The following ESPNL variants were observed in gnomAD, a reference collection of about 807,000 sequenced individuals.
The protein encoded by ESPNL is espin-like protein.
In ESPNL, 49 loss-of-function variants were observed where a neutral mutation model predicts 46.8. The ratio of observed to expected loss-of-function variants is 1.05; its 90% CI spans 0.83 to 1.33. ESPNL has a LOEUF of 1.33. ESPNL is among the 40% of genes most tolerant of loss of function. The pLI is 0.00. For synonymous variants in ESPNL, 664 were observed against 662.1 expected (o/e 1.00, Z -0.04); for missense variants, 1,540 against 1,436.6 (o/e 1.07, Z -1.16).
At position 238,125,380 on chromosome 2, in the gene ESPNL, C is replaced by T; in HGVS notation, c.1098C>T (p.Pro366=). Reference sequence around the variant, plus strand: ...GAGGAGGCCCAGGGCCAGGGAACCCCAGCCGTGAGTGCACAGCCCCAAGTG... The same window carrying T: ...GAGGAGGCCCAGGGCCAGGGAACCCTAGCCGTGAGTGCACAGCCCCAAGTG... ...GRRGGPGPGN[P]SPMSLSPAWP... The change falls in exon 6 of 9, where the codon CCC becomes CCT. Residue 366 remains proline (P), a synonymous_variant. Transcript: ENST00000343063. The T allele has an allele frequency of 6.5e-7, 1 of 1,543,908 alleles. No homozygotes were observed. Among genetic ancestry groups the T allele is most frequent in the Non-Finnish European group, 8.7e-7 (1 of 1,144,270 alleles).
In ESPNL at chr2:238,128,823, G is replaced by T. The variant is rs1387398402; in HGVS notation, c.1332G>T (p.Gln444His). The T allele has an allele frequency of 6.4e-7, 1 of 1,550,970 alleles. No individual in the cohort carries two copies. The highest frequency in any genetic ancestry group is 1.2e-5 in the South Asian group (1 of 84,130). The stretch of plus-strand genomic sequence containing the variant: ...TGCCCACGCGGGATGAGCGCGGCCA[G>T]CCCATCCCAGAGTGGAAGCGGCAGG... ...GLVPTRDERG[Q>H]PIPEWKRQVM... Residue 444 changes from glutamine to histidine, a missense_variant, in exon 8 of 9, where the codon CAG (glutamine) becomes CAT (histidine). Coordinates refer to ENST00000343063, the MANE Select transcript of ESPNL (RefSeq NM_194312.4).
Position 238,114,567 on chromosome 2 carries a change from C to T in ESPNL, c.856-2336C>T, listed in dbSNP as rs1172520083. Among the ~76,000 whole-genome samples, 1 of 152,188 alleles carries T rather than the reference C, an allele frequency of 6.6e-6. No individual in the cohort carries two copies. The highest frequency in any genetic ancestry group is 1.5e-5 in the Non-Finnish European group (1 of 68,034). On this transcript the variant is annotated intron_variant, in intron 4 of 8. Coordinates refer to ENST00000343063, the MANE Select transcript of ESPNL (RefSeq NM_194312.4). The surrounding 1 kb of genome is among the most constrained non-coding windows in gnomAD (Gnocchi z 5.0). ...GGTGTCCTTGCACATCTGACAAATG[C>T]TTCCTGCTTCCTCAGCCACACCAGC...
chr2:238,115,079 G>A (rs4663844), intron 4 of ESPNL, among the ~76,000 whole-genome samples: 24,864 of 152,176 alleles, frequency 0.16, 2,131 homozygotes, highest in East Asian at 0.24. Context: ...TCTTGCGGTG[G>A]TTCTGGCTCT....
intron 4 of ESPNL, among the ~76,000 whole-genome samples, chr2:238,108,950 C>A (rs149115120): frequency 6.6e-6 from 1 of 152,294 alleles, no homozygotes; most frequent in African/African-American, 2.4e-5. Context: ...CTCCCGGCAG[C>A]GCTGCTGAAA....
In ESPNL at chr2:238,127,724, C is replaced by T; in HGVS notation, c.1205C>T (p.Ala402Val). ...CCGAGGATCATCACCAGTGCCACGG[C>T]TGACCCCGAGGTTCGTCCTCCACCC... ...APPRIITSATADPEGTETALA... is the reference protein window; with the variant it reads ...APPRIITSATVDPEGTETALA... Residue 402 changes from alanine to valine, a missense_variant, in exon 7 of 9, where the codon GCT becomes GTT. By Grantham distance (64) the Ala-to-Val change is moderately conservative. Transcript: ENST00000343063. The T allele has an allele frequency of 2.5e-6, 4 of 1,609,520 alleles. No homozygotes were observed. Among genetic ancestry groups the T allele is most frequent in the Non-Finnish European group, 3.4e-6 (4 of 1,178,280 alleles).
At chr2:238,108,433 A>C (rs1052810691) in intron 4 of ESPNL, among the ~76,000 whole-genome samples, 8 of 152,218 alleles carry the variant, frequency 5.3e-5, no homozygotes, top group African/African-American at 1.9e-4. Context: ...TCAAATGTTC[A>C]ACAACATCAG....
chr2:238,127,580 C>T, intron 6 of ESPNL, 42 bp from the exon 7 acceptor site: 3 of 1,546,224 alleles, frequency 1.9e-6, no homozygotes, highest in Non-Finnish European at 2.6e-6. Context: ...CTCTGCTCCC[C>T]AGCCCTTGCC....
intron 5 of ESPNL, among the ~76,000 whole-genome samples, chr2:238,120,001 G>A (rs1361198159): frequency 6.6e-6 from 1 of 152,118 alleles, no homozygotes; most frequent in Non-Finnish European, 1.5e-5. Flanking sequence ...GTGGCCTCCG[G>A]GGAGCACGGC....
intron 4 of ESPNL, among the ~76,000 whole-genome samples, chr2:238,115,581 T>G (rs1202095371): frequency 6.6e-6 from 1 of 152,262 alleles, no homozygotes. Flanking sequence ...ACATGCATGC[T>G]GAACCTGTAT....
chr2:238,131,132 C>T lies in ESPNL; in HGVS notation c.2418C>T (p.His806=). The change falls in exon 9 of 9, where the codon CAC becomes CAT. Residue 806 remains histidine, a synonymous_variant. Transcript: ENST00000343063. ...GGCAGCAGCGCAGCACCATCACCCACCTGCTGGGCAACTGGAAGGCCATCA... is the reference window on the plus strand; with the variant it reads ...GGCAGCAGCGCAGCACCATCACCCATCTGCTGGGCAACTGGAAGGCCATCA... ...HLWQQRSTIT[H]LLGNWKAIMA... is the part of the protein sequence containing the mutation. 2 of 1,545,912 alleles carry T rather than the reference C, an allele frequency of 1.3e-6. No individual in the cohort carries two copies. Among genetic ancestry groups the T allele is most frequent in the Non-Finnish European group, 1.7e-6 (2 of 1,146,900 alleles).
At chr2:238,122,491 G>A (rs1277882751) in intron 5 of ESPNL, among the ~76,000 whole-genome samples, 3 of 152,238 alleles carry the variant, frequency 2.0e-5, no homozygotes, top group Non-Finnish European at 4.4e-5. Context: ...TTGGTGAGGA[G>A]TGGAGCAGGG....
In ESPNL at chr2:238,131,759, T is replaced by C. The variant is rs568365497; in HGVS notation, c.*27T>C. On this transcript the variant is annotated 3_prime_UTR_variant, in exon 9 of 9. Coordinates refer to ENST00000343063, the MANE Select transcript of ESPNL (RefSeq NM_194312.4). ...CCTACTGGCAGCCTGCTTTCCAGAATGTGGTTTGGGGGTGACTTGGAGTTT... is the reference window on the plus strand; with the variant it reads ...CCTACTGGCAGCCTGCTTTCCAGAACGTGGTTTGGGGGTGACTTGGAGTTT... The C allele has an allele frequency of 1.3e-6, 2 of 1,555,662 alleles. No homozygotes were observed. The highest frequency in any genetic ancestry group is 2.7e-5 in the African/African-American group (2 of 73,462).
rs572123460 is a variant in ESPNL, at chr2:238,130,017, G to A, written c.1414-111G>A. The A allele has an allele frequency of 1.9e-5, 24 of 1,251,092 alleles. No homozygotes were observed. In the East Asian group the frequency reaches 4.0e-4, roughly 21 times the overall value. The allele number at this position is 1,251,092 out of a possible 1,614,324, so 77.5% of individuals were successfully genotyped here. ...AAGCCCTTTAAAGTCTTACCTTGGG[G>A]CAGGACCAGAGGCTCTGCAGAGATA... On this transcript the variant is annotated intron_variant, in intron 8 of 8. Transcript: ENST00000343063.
chr2:238,112,888 T>G (rs1192410644), intron 4 of ESPNL, among the ~76,000 whole-genome samples: 2 of 152,246 alleles, frequency 1.3e-5, no homozygotes, highest in Non-Finnish European at 2.9e-5. Context: ...TAAGTTACTT[T>G]ATTGCCCCGT....
At chr2:238,116,696 G>C (rs1691821217) in intron 4 of ESPNL, among the ~76,000 whole-genome samples, 1 of 152,202 alleles carries the variant, frequency 6.6e-6, no homozygotes, top group South Asian at 2.1e-4. Context: ...TACTGTCTGG[G>C]CCAGGACAGG....
intron 2 of ESPNL, among the ~76,000 whole-genome samples, chr2:238,102,499 G>A (rs1691507379): frequency 6.6e-6 from 1 of 152,186 alleles, no homozygotes; most frequent in Admixed American, 6.5e-5. Context: ...ACCTGTGAGG[G>A]CACCCTCCCA....
At chr2:238,103,803 G>A (rs1014760039) in intron 2 of ESPNL, among the ~76,000 whole-genome samples, 3 of 152,186 alleles carry the variant, frequency 2.0e-5, no homozygotes, top group South Asian at 2.1e-4. Flanking sequence ...TGCAGGGGAC[G>A]ATCCCTGTGT....
chr2:238,123,785 T>C (rs923932296), intron 5 of ESPNL, among the ~76,000 whole-genome samples: 11 of 152,126 alleles, frequency 7.2e-5, no homozygotes, highest in African/African-American at 2.7e-4. Flanking sequence ...CGCACCAGGG[T>C]TCCTGGGCTG....
At chr2:238,100,806 C>G in intron 1 of ESPNL, 93 bp downstream of exon 1, 1 of 1,135,080 alleles carries the variant, frequency 8.8e-7, no homozygotes, top group Non-Finnish European at 1.2e-6. Context: ...CTGGCCACCC[C>G]GGGCTCCATG....
Sources: gnomAD v4.1 joint callset for allele counts (sites outside exome capture counted in the v4.1 genomes callset) on GRCh38, gnomAD v4.1.1 for gene constraint, Gnocchi (gnomAD v3.1) non-coding constraint, MANE v1.5 for transcripts, NCBI Gene and HGNC (gene_info 2026-07-23, HGNC 2026-07-21) for gene names.